Variants in DPP7 observed in about 807,000 individuals in gnomAD.
DPP7 encodes dipeptidyl peptidase 7, also known as dipeptidyl peptidase 2.
DPP7 carries 74 observed loss-of-function variants against 58.8 expected under a neutral mutation model. The ratio of observed to expected loss-of-function variants is 1.26; its 90% CI spans 1.04 to 1.53. DPP7 has a LOEUF of 1.53. DPP7 is among the 40% of genes most tolerant of loss of function. The pLI is 0.00. For missense variants in DPP7, 807 were observed against 692.3 expected (o/e 1.17, Z -1.86); for synonymous variants, 350 against 303.6 (o/e 1.15, Z -1.59).
chr9:137,111,565 G>A, intron 11 of DPP7, 125 bp downstream of exon 11: 2 of 1,039,146 alleles, frequency 1.9e-6, no homozygotes, highest in Non-Finnish European at 2.8e-6. Context: ...TTGAGCCTCA[G>A]AGGTCAAGGC....
rs1831494027 is a variant in DPP7, at chr9:137,113,729, C to T, written c.485+136G>A. On this transcript the variant is annotated intron_variant, in intron 4 of 12. Coordinates refer to ENST00000371579, the MANE Select transcript of DPP7 (RefSeq NM_013379.3). ...TGGGAGGGCTTCCTGGGGGAGGCAA[C>T]ACTAAGCCTGGAACCACTGCCTGAG... The T allele has an allele frequency of 3.5e-6, 5 of 1,419,284 alleles. No individual in the cohort carries two copies. In the Admixed American group the frequency reaches 8.7e-5, roughly 25 times the overall value. The allele number at this position is 1,419,284 out of a possible 1,614,324, so 87.9% of individuals were successfully genotyped here. A position where few individuals can be genotyped will look rare whatever the true frequency, so the allele number is the denominator to read the frequency against.
intron 11 of DPP7, among the ~76,000 whole-genome samples, 170 bp from the exon 12 acceptor site, chr9:137,111,120 A>G (rs1023380888): frequency 6.6e-6 from 1 of 152,180 alleles, no homozygotes; most frequent in Non-Finnish European, 1.5e-5. Context: ...TGATGGGGGC[A>G]AAACCGGGTG....
At chr9:137,111,232 C>A (rs548835348) in intron 11 of DPP7, among the ~76,000 whole-genome samples, 51 of 151,360 alleles carry the variant, frequency 3.4e-4, no homozygotes, top group African/African-American at 1.2e-3. Flanking sequence ...GTGATCCCAG[C>A]ACTCTGAGGG....
Position 137,111,918 on chromosome 9 carries a change from C to T in DPP7, c.1162G>A (p.Val388Met), listed in dbSNP as rs544946432. ...RQRYCLDTWG[V>M]WPRPDWLLTS... ...AGCAGCCAGTCGGGCCGGGGCCACA[C>T]GCCCCAGGTGTCCAGGCAGTACCGC... Residue 388 changes from valine to methionine, a missense_variant, in exon 10 of 13, where the codon GTG (valine) becomes ATG (methionine). Around this residue, in one of 3 missense-constraint regions of DPP7, gnomAD observed 624 missense variants for 531.2 expected, o/e 1.17. Transcript: ENST00000371579. The T allele has an allele frequency of 1.0e-4, 169 of 1,613,222 alleles. No individual in the cohort carries two copies. Among genetic ancestry groups the T allele is most frequent in the South Asian group, 7.5e-4 (68 of 91,044 alleles).
intron 11 of DPP7, 39 bp downstream of exon 11, chr9:137,111,648 CAAA>C: frequency 6.4e-7 from 1 of 1,550,622 alleles, no homozygotes; most frequent in Non-Finnish European, 8.8e-7. Context: ...AAAAAAAAAA[CAAA>C]CAAACTAACG....
upstream of DPP7, among the ~76,000 whole-genome samples, chr9:137,117,635 C>T (rs1266098309): frequency 3.3e-5 from 5 of 152,214 alleles, no homozygotes. Flanking sequence ...GGGGCCATGC[C>T]CGGCCACACA....
rs763927279 is a variant in DPP7, at chr9:137,111,993, T to C, written c.1087A>G (p.Asn363Asp). ...TEINLTFASNNVTDMFPDLPF... is the reference protein window; with the variant it reads ...TEINLTFASNDVTDMFPDLPF... The stretch of plus-strand genomic sequence containing the variant: ...AGGTCCGGGAACATATCGGTCACAT[T>C]GTTGCTGGCGAAGGTCAGGTTGATC... Residue 363 changes from asparagine (N) to aspartate (D), a missense_variant, in exon 10 of 13, where the codon AAT becomes GAT. Around this residue, in one of 3 missense-constraint regions of DPP7, gnomAD observed 624 missense variants for 531.2 expected, o/e 1.17. Transcript: ENST00000371579. 6.2e-7 allele frequency: 1 copy of C among 1,613,088 alleles called. No individual in the cohort carries two copies. The highest frequency in any genetic ancestry group is 1.3e-5 in the African/African-American group (1 of 74,692).
In DPP7 at chr9:137,114,596, TCA is replaced by T; in HGVS notation, c.68-22_68-21del. On this transcript the variant is annotated intron_variant, in intron 1 of 12. Transcript: ENST00000371579. The stretch of plus-strand genomic sequence containing the variant: ...TGCGGGCTGTGGGGGGACGCGAACC[TCA>T]GAGGCGGGGCCGGGACCGGGGAATG... 1.3e-6 allele frequency: 2 copies of T among 1,482,374 alleles called. No individual in the cohort carries two copies. The highest frequency in any genetic ancestry group is 2.6e-5 in the South Asian group (2 of 76,970). The allele number at this position is 1,482,374 out of a possible 1,614,324, so 91.8% of individuals were successfully genotyped here. A position where few individuals can be genotyped will look rare whatever the true frequency, so the allele number is the denominator to read the frequency against.
At chr9:137,111,393 G>C (rs1831358830) in intron 11 of DPP7, among the ~76,000 whole-genome samples, 1 of 152,180 alleles carries the variant, frequency 6.6e-6, no homozygotes, top group Admixed American at 6.5e-5. Context: ...CGAGGGGCCT[G>C]TGATCCCAGC....
intron 11 of DPP7, 68 bp from the exon 12 acceptor site, chr9:137,111,018 T>TG: frequency 6.7e-7 from 1 of 1,485,836 alleles, no homozygotes; most frequent in Non-Finnish European, 9.2e-7. Context: ...GTGGGCCCAT[T>TG]GGAGAGGAGA....
At position 137,113,980 on chromosome 9, in the gene DPP7, C is replaced by T; in HGVS notation, c.370G>A (p.Gly124Arg). Residue 124 changes from glycine (G) to arginine (R), a missense_variant, in exon 4 of 13, where the codon GGG becomes AGG. By Grantham distance (125) the Gly-to-Arg change is moderately radical. Around this residue, in one of 3 missense-constraint regions of DPP7, gnomAD observed 624 missense variants for 531.2 expected, o/e 1.17. Transcript: ENST00000371579. Reference protein sequence around the residue: ...LPFGAQSTQRGHTELLTVEQA... With the variant: ...LPFGAQSTQRRHTELLTVEQA... ...TCCACCGTCAGCAGCTCCGTGTGCC[C>T]GCGCTGCGTGGACTGCGCACCGAAC... 1 of 1,579,050 alleles carries T rather than the reference C, an allele frequency of 6.3e-7. No homozygotes were observed. The highest frequency in any genetic ancestry group is 8.6e-7 in the Non-Finnish European group (1 of 1,166,984).
upstream of DPP7, among the ~76,000 whole-genome samples, chr9:137,116,439 A>G (rs946980946): frequency 1.3e-5 from 2 of 152,268 alleles, no homozygotes; most frequent in African/African-American, 2.4e-5. Flanking sequence ...TAGGGGATTT[A>G]GGGCTGTGCA....
Position 137,114,733 on chromosome 9 carries a change from C to A in DPP7, c.-20G>T. 1 of 1,268,174 alleles carries A rather than the reference C, an allele frequency of 7.9e-7. No homozygotes were observed. The highest frequency in any genetic ancestry group is 9.9e-7 in the Non-Finnish European group (1 of 1,010,102). The allele number at this position is 1,268,174 out of a possible 1,614,324, so 78.6% of individuals were successfully genotyped here. ...GCCCATGTCGCCTTCCGCGGGCGCC[C>A]GTCACGTGGGCGGGGTCACGGGGCC... is the stretch of plus-strand genomic sequence containing the variant. On this transcript the variant is annotated 5_prime_UTR_variant, in exon 1 of 13. Coordinates refer to ENST00000371579, the MANE Select transcript of DPP7 (RefSeq NM_013379.3).
chr9:137,113,595 C>G, intron 4 of DPP7, 99 bp from the exon 5 acceptor site: 1 of 1,455,306 alleles, frequency 6.9e-7, no homozygotes, highest in Non-Finnish European at 9.0e-7. Flanking sequence ...GACGACACTT[C>G]TGAGACCCAC....
In DPP7 at chr9:137,113,037, G is replaced by C; in HGVS notation, c.786C>G (p.Ala262=). 1.2e-6 allele frequency: 2 copies of C among 1,613,846 alleles called. No individual in the cohort carries two copies. Among genetic ancestry groups the C allele is most frequent in the East Asian group, 2.2e-5 (1 of 44,882 alleles). ...EKDLTQLFMF[A]RNAFTVLAMM... ...TGGCCAGCACGGTGAAGGCATTCCG[G>C]GCGAACATGAAGAGCTGGGTCAGGT... The change falls in exon 7 of 13, where the codon GCC becomes GCG. Residue 262 remains alanine (A), a synonymous_variant. Transcript: ENST00000371579.
At chr9:137,112,615 C>A in intron 8 of DPP7, 130 bp downstream of exon 8, 1 of 1,152,498 alleles carries the variant, frequency 8.7e-7, no homozygotes, top group Non-Finnish European at 1.2e-6. Flanking sequence ...GTGCTGTCCA[C>A]CCCACCACAG....
chr9:137,117,616 C>G (rs1007266785), upstream of DPP7, among the ~76,000 whole-genome samples: 1 of 152,254 alleles, frequency 6.6e-6, no homozygotes, highest in African/African-American at 2.4e-5. Context: ...CTCTATGGCT[C>G]ACAGACTGGG....
upstream of DPP7, among the ~76,000 whole-genome samples, chr9:137,116,199 C>T (rs201179165): frequency 6.6e-6 from 1 of 152,214 alleles, no homozygotes; most frequent in Admixed American, 6.5e-5. Context: ...ATTGATGCCC[C>T]TCTGGGCAGC....
chr9:137,113,841 G>A lies in DPP7; in HGVS notation c.485+24C>T, dbSNP rs762984506. 2.5e-5 allele frequency: 36 copies of A among 1,465,144 alleles called. 2 individuals are homozygous for A. The South Asian group carries it at 4.2e-4, about 17-fold the overall frequency. 90.8% of individuals were successfully genotyped at this position (1,465,144 alleles called of 1,614,324 possible). On this transcript the variant is annotated intron_variant, in intron 4 of 12. Coordinates refer to ENST00000371579, the MANE Select transcript of DPP7 (RefSeq NM_013379.3). The stretch of plus-strand genomic sequence containing the variant: ...GGTCGGGGCAGGGGAGGGAGGGGGT[G>A]CGGAGGCCGGGGGAGGCGCCCACCT...
Sources: gnomAD v4.1 joint callset for allele counts (sites outside exome capture counted in the v4.1 genomes callset) on GRCh38, gnomAD v4.1.1 for gene constraint, gnomAD v4.1.1 regional missense constraint, MANE v1.5 for transcripts, NCBI Gene and HGNC (gene_info 2026-07-23, HGNC 2026-07-21) for gene names.